The following SETX variants were observed in gnomAD, a reference collection of about 807,000 sequenced individuals.
SETX encodes the protein helicase senataxin.
SETX carries 90 observed loss-of-function variants against 227.2 expected under a neutral mutation model. The ratio of observed to expected loss-of-function variants is 0.40; its 90% CI spans 0.33 to 0.47. The LOEUF (loss-of-function observed/expected upper bound fraction) is 0.47. Among genes scored for constraint, SETX ranks in the 20% least tolerant of loss-of-function variants. The probability of loss-of-function intolerance (pLI) is 0.91; values close to 1 mark genes in which losing one functional copy is unlikely to be tolerated. For missense variants in SETX, 3,052 were observed against 3,181.5 expected (o/e 0.96, Z 0.98); for synonymous variants, 1,210 against 1,113.2 (o/e 1.09, Z -1.73).
In SETX at chr9:132,286,181, C is replaced by CAA. The variant is rs58043008; in HGVS notation, c.6396+240_6396+241dup. Among the ~76,000 whole-genome samples the CAA allele has an allele frequency of 0.017, 1,287 of 74,498 alleles. 23 individuals are homozygous for CAA. Among genetic ancestry groups the CAA allele is most frequent in the African/African-American group, 0.055 (1,146 of 20,720 alleles). 48.9% of individuals were successfully genotyped at this position (74,498 alleles called of 152,430 possible). A position where few individuals can be genotyped will look rare whatever the true frequency, so the allele number is the denominator to read the frequency against. On this transcript the variant is annotated intron_variant, in intron 18 of 25. Transcript: ENST00000224140. ...CTGGTGACAGAGCAAGACTTCACCT[C>CAA]AAAAAAAAAAAAAAAAAAAAATTAG... is the stretch of plus-strand genomic sequence containing the variant.
At chr9:132,341,455 C>A (rs1035750466) in intron 5 of SETX, among the ~76,000 whole-genome samples, 1 of 152,116 alleles carries the variant, frequency 6.6e-6, no homozygotes, top group Non-Finnish European at 1.5e-5. Context: ...CCTACCACTA[C>A]CCCTCCCCTT....
intron 20 of SETX, among the ~76,000 whole-genome samples, chr9:132,280,612 G>A (rs1843446069): frequency 6.6e-6 from 1 of 152,098 alleles, no homozygotes; most frequent in African/African-American, 2.4e-5. Flanking sequence ...AACCACTAAC[G>A]ATAACCACCT....
chr9:132,331,725 A>T (rs550193767), intron 7 of SETX, among the ~76,000 whole-genome samples: 2 of 152,158 alleles, frequency 1.3e-5, no homozygotes, highest in African/African-American at 4.8e-5. Flanking sequence ...GCAAGAAAAC[A>T]GTCTAGGTAA....
chr9:132,303,331 TA>T (rs1365346019), intron 11 of SETX, among the ~76,000 whole-genome samples: 1 of 79,566 alleles, frequency 1.3e-5, no homozygotes, highest in Admixed American at 1.4e-4. Context: ...CTTCTACCTT[TA>T]AAAAAGCAAA....
upstream of SETX, chr9:132,355,105 C>T (rs943093048): frequency 1.3e-5 from 2 of 152,214 alleles, no homozygotes; most frequent in Non-Finnish European, 2.9e-5. Flanking sequence ...TGGTGCCCCC[C>T]AGGGGGCGGG....
At chr9:132,313,494 T>C (rs1158912911) in intron 10 of SETX, among the ~76,000 whole-genome samples, 1 of 152,202 alleles carries the variant, frequency 6.6e-6, no homozygotes, top group Non-Finnish European at 1.5e-5. Context: ...TAATGATAGC[T>C]GAAATTCTGG....
chr9:132,318,584 C>G (rs1429158244), intron 10 of SETX, among the ~76,000 whole-genome samples: 1 of 152,066 alleles, frequency 6.6e-6, no homozygotes, highest in Non-Finnish European at 1.5e-5. Context: ...CTAAGTCTAC[C>G]CTGATACTTA....
chr9:132,310,384 A>C (rs943216362), intron 11 of SETX, among the ~76,000 whole-genome samples: 6 of 152,256 alleles, frequency 3.9e-5, no homozygotes, highest in Admixed American at 2.0e-4. Context: ...AATATTCCAC[A>C]ATCTACTTCT....
At position 132,327,460 on chromosome 9, in the gene SETX, T is replaced by G; in HGVS notation, c.4138A>C (p.Thr1380Pro). ...ACAAATATGTCAGAATTCTGTGCTGTATGTGACCCTGCTCTTTTAACATCT... is the reference window on the plus strand; with the variant it reads ...ACAAATATGTCAGAATTCTGTGCTGGATGTGACCCTGCTCTTTTAACATCT... ...STDVKRAGSH[T>P]AQNSDIFVPE... The change falls in exon 10 of 26, where the codon ACA becomes CCA. Residue 1380 changes from threonine to proline, a missense_variant. Coordinates refer to ENST00000224140, the MANE Select transcript of SETX (RefSeq NM_015046.7). 1 of 1,614,198 alleles carries G rather than the reference T, an allele frequency of 6.2e-7. No individual in the cohort carries two copies. Among genetic ancestry groups the G allele is most frequent in the South Asian group, 1.1e-5 (1 of 91,090 alleles).
chr9:132,351,141 T>G (rs999921094), intron 2 of SETX, among the ~76,000 whole-genome samples: 5 of 152,194 alleles, frequency 3.3e-5, no homozygotes, highest in African/African-American at 9.7e-5. Flanking sequence ...AGTTAACAGC[T>G]TGCAGAAGCT....
intron 11 of SETX, 132 bp from the exon 12 acceptor site, chr9:132,300,935 T>A: frequency 1.5e-6 from 1 of 688,792 alleles, no homozygotes; most frequent in Non-Finnish European, 2.3e-6. Context: ...GCATATACTT[T>A]AAAATGGTAA....
At position 132,327,300 on chromosome 9, in the gene SETX, G is replaced by C; in HGVS notation, c.4298C>G (p.Thr1433Ser). The stretch of plus-strand genomic sequence containing the variant: ...CTGGTTCAAAGGGCAAGCATCATCA[G>C]TTGCTGGAGACCCATGTTTTGCTTT... Reference protein sequence around the residue: ...TIKAKHGSPATDDACPLNQCD... With the variant: ...TIKAKHGSPASDDACPLNQCD... Residue 1433 changes from threonine (T) to serine (S), a missense_variant, in exon 10 of 26, where the codon ACT becomes AGT. By Grantham distance (58) the Thr-to-Ser change is moderately conservative. This residue lies in a region of SETX where 1,483 missense variants were observed against 1,312.0 expected (regional missense o/e 1.13). Transcript: ENST00000224140. 1 of 1,614,214 alleles carries C rather than the reference G, an allele frequency of 6.2e-7. No individual in the cohort carries two copies. Among genetic ancestry groups the C allele is most frequent in the East Asian group, 2.2e-5 (1 of 44,884 alleles).
At chr9:132,296,052 CCAAA>C (rs1844651611) in intron 14 of SETX, 24 bp from the exon 15 acceptor site, 2 of 1,614,002 alleles carry the variant, frequency 1.2e-6, no homozygotes, top group African/African-American at 1.3e-5. Flanking sequence ...CATATACATA[CCAAA>C]CAAACACACA....
intron 2 of SETX, among the ~76,000 whole-genome samples, chr9:132,350,900 C>T (rs1286640227): frequency 3.3e-5 from 5 of 152,088 alleles, no homozygotes; most frequent in African/African-American, 9.7e-5. Flanking sequence ...TTCTCATCGA[C>T]GTGGGGGGGA....
intron 11 of SETX, among the ~76,000 whole-genome samples, chr9:132,304,558 G>C (rs182557371): frequency 5.3e-5 from 8 of 151,560 alleles, no homozygotes; most frequent in Admixed American, 5.2e-4. Flanking sequence ...TTCTCAGCCT[G>C]GGAGTTTGAG....
rs1007915140 is a variant in SETX at position 132,261,882 on chromosome 9, C to T, written c.*2357G>A. On this transcript the variant is annotated 3_prime_UTR_variant, in exon 26 of 26. Coordinates refer to ENST00000224140, the MANE Select transcript of SETX (RefSeq NM_015046.7). ...CTTTCTTTTAATGCCATGGCAAAGA[C>T]GAAGCGAAGAGCCACACTTCACACC... 6 of 154,438 alleles carry T rather than the reference C, an allele frequency of 3.9e-5. No homozygotes were observed. The highest frequency in any genetic ancestry group is 1.2e-4 in the African/African-American group (5 of 41,510). The allele number at this position is 154,438 out of a possible 1,614,324, so 9.6% of individuals were successfully genotyped here.
chr9:132,327,309 G>T lies in SETX; in HGVS notation c.4289C>A (p.Ser1430Tyr). ...EPETIKAKHG[S>Y]PATDDACPLN... ...AGGGCAAGCATCATCAGTTGCTGGA[G>T]ACCCATGTTTTGCTTTTATGGTTTC... Residue 1430 changes from serine (S) to tyrosine (Y), a missense_variant, in exon 10 of 26, where the codon TCT (serine) becomes TAT (tyrosine). Ser to Tyr is a moderately radical substitution (Grantham distance 144, BLOSUM62 -2). This residue lies in a region of SETX where 1,483 missense variants were observed against 1,312.0 expected (regional missense o/e 1.13). Transcript: ENST00000224140. 1.2e-6 allele frequency: 2 copies of T among 1,614,186 alleles called. No homozygotes were observed. Among genetic ancestry groups the T allele is most frequent in the Non-Finnish European group, 1.7e-6 (2 of 1,180,036 alleles).
In SETX at chr9:132,328,234, C is replaced by A. The variant is rs758068586; in HGVS notation, c.3364G>T (p.Gly1122Cys). 1.2e-6 allele frequency: 2 copies of A among 1,614,116 alleles called. No individual in the cohort carries two copies. Among genetic ancestry groups the A allele is most frequent in the South Asian group, 2.2e-5 (2 of 91,080 alleles). ...APIANTTNGQGCTDYVSEVVK... is the reference protein window; with the variant it reads ...APIANTTNGQCCTDYVSEVVK... ...ACTTCAGATACATAATCTGTACAAC[C>A]CTGACCATTTGTAGTATTGGCTATA... The change falls in exon 10 of 26, where the codon GGT becomes TGT. Residue 1122 changes from glycine to cysteine, a missense_variant. Coordinates refer to ENST00000224140, the MANE Select transcript of SETX (RefSeq NM_015046.7).
chr9:132,288,931 T>C (rs913233855), intron 15 of SETX, among the ~76,000 whole-genome samples: 1 of 152,184 alleles, frequency 6.6e-6, no homozygotes, highest in Admixed American at 6.5e-5. Flanking sequence ...GAGATTCTAT[T>C]ACAGTAACAT....
Sources: gnomAD v4.1 joint callset for allele counts (sites outside exome capture counted in the v4.1 genomes callset) on GRCh38, gnomAD v4.1.1 for gene constraint, gnomAD v4.1.1 regional missense constraint, MANE v1.5 for transcripts, NCBI Gene and HGNC (gene_info 2026-07-23, HGNC 2026-07-21) for gene names.